The following MEIS2 variants were observed in gnomAD, a reference collection of about 807,000 sequenced individuals.
MEIS2 encodes the protein homeobox protein Meis2.
MEIS2 carries 9 observed loss-of-function variants against 58.6 expected under a neutral mutation model. The observed-to-expected ratio is 0.15, with a 90% CI of 0.09 to 0.27. The LOEUF is 0.27. Among genes scored for constraint, MEIS2 ranks in the 10% least tolerant of loss-of-function variants. The pLI is 1.00. For synonymous variants in MEIS2, 221 were observed against 228.4 expected (o/e 0.97, Z 0.29); for missense variants, 427 against 635.0 (o/e 0.67, Z 3.52).
Position 37,097,952 on chromosome 15 carries a change from G to A in MEIS2, c.245+15C>T. The A allele has an allele frequency of 6.4e-7, 1 of 1,570,690 alleles. No homozygotes were observed. The highest frequency in any genetic ancestry group is 1.2e-5 in the South Asian group (1 of 84,184). On this transcript the variant is annotated intron_variant, in intron 2 of 11. Transcript: ENST00000561208. ...CACTCACACACAGTAAGCTGGGTCC[G>A]GGGGGTCAGTTTACCCATAGATCGC...
intron 9 of MEIS2, among the ~76,000 whole-genome samples, chr15:36,925,793 C>T (rs964372534): frequency 6.6e-6 from 1 of 152,166 alleles, no homozygotes; most frequent in African/African-American, 2.4e-5. Flanking sequence ...GTGCTGTGAG[C>T]TTGGGTCACA....
intron 7 of MEIS2, among the ~76,000 whole-genome samples, chr15:37,065,025 T>C (rs567920586): frequency 3.3e-5 from 5 of 152,318 alleles, no homozygotes; most frequent in African/African-American, 1.2e-4. Context: ...TGCTGAAATA[T>C]CATTCTCATT....
At chr15:37,085,669 A>C (rs1184337797) in intron 6 of MEIS2, among the ~76,000 whole-genome samples, 2 of 152,230 alleles carry the variant, frequency 1.3e-5, no homozygotes, top group African/African-American at 4.8e-5. Flanking sequence ...GACTACAAAT[A>C]TGGCACAGGT....
At chr15:36,988,211 A>T (rs1273158879) in intron 8 of MEIS2, among the ~76,000 whole-genome samples, 5 of 152,224 alleles carry the variant, frequency 3.3e-5, no homozygotes, top group Non-Finnish European at 7.3e-5. Flanking sequence ...TAATCACTAT[A>T]TATATGTGTA....
chr15:36,909,113 T>C (rs868132381), intron 9 of MEIS2, among the ~76,000 whole-genome samples: 12 of 152,328 alleles, frequency 7.9e-5, no homozygotes, highest in Non-Finnish European at 1.2e-4. Flanking sequence ...TCCTTTGGCC[T>C]GGGCTGGGCT....
At chr15:37,012,482 T>C (rs2061198784) in intron 8 of MEIS2, among the ~76,000 whole-genome samples, 1 of 152,188 alleles carries the variant, frequency 6.6e-6, no homozygotes, top group Non-Finnish European at 1.5e-5. Context: ...TACAAAGTAG[T>C]CCACAGGTGA....
chr15:37,017,156 A>T (rs530456258), intron 8 of MEIS2, among the ~76,000 whole-genome samples: 1 of 152,216 alleles, frequency 6.6e-6, no homozygotes, highest in Non-Finnish European at 1.5e-5. Context: ...GCAAACCGAT[A>T]GAAAATAATA....
intron 7 of MEIS2, among the ~76,000 whole-genome samples, chr15:37,056,467 A>G (rs1457405562): frequency 2.6e-5 from 4 of 152,208 alleles, no homozygotes; most frequent in Non-Finnish European, 5.9e-5. Flanking sequence ...AGAAAAGATT[A>G]AATTGAACAA....
chr15:37,018,595 C>T (rs900205316), intron 8 of MEIS2, among the ~76,000 whole-genome samples: 1 of 152,054 alleles, frequency 6.6e-6, no homozygotes, highest in Admixed American at 6.6e-5. Context: ...GATTTGGAGT[C>T]CGAGTATTAA....
intron 8 of MEIS2, among the ~76,000 whole-genome samples, chr15:36,956,330 T>C (rs1041327365): frequency 1.4e-4 from 22 of 152,032 alleles, no homozygotes; most frequent in Admixed American, 3.9e-4. Context: ...TTGGTAAGAG[T>C]TGGGATAACC....
chr15:37,086,744 G>C (rs1003127304), intron 6 of MEIS2, among the ~76,000 whole-genome samples: 1 of 152,172 alleles, frequency 6.6e-6, no homozygotes, highest in African/African-American at 2.4e-5. Flanking sequence ...TCCCTCTGGG[G>C]TTTCAAGGCT....
intron 8 of MEIS2, among the ~76,000 whole-genome samples, chr15:37,016,371 G>T (rs2061348716): frequency 6.6e-6 from 1 of 150,592 alleles, no homozygotes; most frequent in Non-Finnish European, 1.5e-5. Context: ...TTTTCCTGGT[G>T]TGAGTCGAAT....
intron 6 of MEIS2, among the ~76,000 whole-genome samples, chr15:37,088,769 G>C: frequency 6.6e-6 from 1 of 152,104 alleles, no homozygotes; most frequent in East Asian, 1.9e-4. Context: ...ATTTAGTCGA[G>C]CAACTTTTAG....
chr15:36,895,093 G>T (rs1449697576), intron 11 of MEIS2, 58 bp downstream of exon 11: 1 of 1,375,272 alleles, frequency 7.3e-7, no homozygotes, highest in Non-Finnish European at 1.0e-6. Context: ...GGATGGAGAG[G>T]CTGGTGGAGC....
At chr15:36,931,385 C>T (rs112701689) in intron 9 of MEIS2, among the ~76,000 whole-genome samples, 6 of 152,282 alleles carry the variant, frequency 3.9e-5, no homozygotes, top group African/African-American at 9.6e-5. Context: ...GCTACCAAGG[C>T]GTTTCTTTCA....
intron 11 of MEIS2, 70 bp from the exon 12 acceptor site, chr15:36,892,529 T>TAAA: frequency 1.6e-5 from 16 of 994,058 alleles, no homozygotes; most frequent in South Asian, 7.3e-5. Flanking sequence ...CCATCAAAGA[T>TAAA]GAAAAGAAAA....
At chr15:37,035,407 T>G (rs1338697120) in intron 8 of MEIS2, among the ~76,000 whole-genome samples, 1 of 152,192 alleles carries the variant, frequency 6.6e-6, no homozygotes, top group Non-Finnish European at 1.5e-5. Context: ...TAAAAGTGAT[T>G]AAATACTCCT....
intron 8 of MEIS2, among the ~76,000 whole-genome samples, chr15:37,010,160 T>C (rs1259693768): frequency 6.6e-6 from 1 of 152,014 alleles, no homozygotes; most frequent in Admixed American, 6.6e-5. Context: ...CGATCTCGGC[T>C]CACTGCAAGC....
At chr15:36,907,649 C>T (rs2056806332) in intron 9 of MEIS2, among the ~76,000 whole-genome samples, 1 of 152,126 alleles carries the variant, frequency 6.6e-6, no homozygotes, top group African/African-American at 2.4e-5. Flanking sequence ...TTATCAATAC[C>T]ACCGCTTTCT....
Sources: allele counts gnomAD v4.1 joint callset (sites outside exome capture counted in the v4.1 genomes callset), GRCh38; gene constraint gnomAD v4.1.1; transcripts MANE v1.5; gene names NCBI Gene and HGNC (gene_info 2026-07-23, HGNC 2026-07-21).